The following MDGA1 variants were observed in gnomAD, a reference collection of about 807,000 sequenced individuals.
MDGA1 encodes the protein MAM domain containing glycosylphosphatidylinositol anchor 1.
In MDGA1, 54 loss-of-function variants were observed where a neutral mutation model predicts 101.5. The ratio of observed to expected loss-of-function variants is 0.53; its 90% CI spans 0.43 to 0.67. MDGA1 has a LOEUF of 0.67. Ranked by LOEUF, MDGA1 falls within the 30% of genes least tolerant of loss-of-function variation. MDGA1 has a pLI of 0.00. For synonymous variants in MDGA1, 533 were observed against 558.3 expected, an observed-to-expected ratio of 0.95 and a Z score of 0.64; for missense variants, 1,083 against 1,323.8, an observed-to-expected ratio of 0.82 and a Z score of 2.82.
intron 1 of MDGA1, among the ~76,000 whole-genome samples, chr6:37,695,580 A>C (rs1762399624): frequency 6.6e-6 from 1 of 152,216 alleles, no homozygotes; most frequent in Non-Finnish European, 1.5e-5. Flanking sequence ...CTTGCCAGGC[A>C]CAGGCAGATG....
intron 16 of MDGA1, 44 bp from the exon 17 acceptor site, chr6:37,637,503 G>T: frequency 6.4e-7 from 1 of 1,555,996 alleles, no homozygotes. Context: ...GCTCTGGTCA[G>T]CTCTGGCAGG....
chr6:37,659,415 A>T (rs1761571747), intron 2 of MDGA1, among the ~76,000 whole-genome samples: 1 of 152,248 alleles, frequency 6.6e-6, no homozygotes, highest in Admixed American at 6.5e-5. Context: ...GTCACTCAAC[A>T]AATTTCTATT....
intron 1 of MDGA1, among the ~76,000 whole-genome samples, chr6:37,666,582 G>A (rs910962904): frequency 6.6e-6 from 1 of 152,124 alleles, no homozygotes; most frequent in African/African-American, 2.4e-5. Context: ...AAAGCAGCAG[G>A]CCTGTGTTTC....
At chr6:37,672,418 G>A (rs969988560) in intron 1 of MDGA1, among the ~76,000 whole-genome samples, 2 of 152,132 alleles carry the variant, frequency 1.3e-5, no homozygotes, top group Non-Finnish European at 2.9e-5. Flanking sequence ...CAGCCTGGGC[G>A]ACAGAGCAAG....
Position 37,634,286 on chromosome 6 carries a change from C to T in MDGA1, c.*3082G>A, listed in dbSNP as rs1458760896. 6.5e-6 allele frequency: 1 copy of T among 152,808 alleles called. No individual in the cohort carries two copies. The highest frequency in any genetic ancestry group is 1.5e-5 in the Non-Finnish European group (1 of 68,144). The allele number at this position is 152,808 out of a possible 1,614,324, so 9.5% of individuals were successfully genotyped here. The stretch of plus-strand genomic sequence containing the variant: ...TTTTAAGGCCACAAAATGCCTCAGT[C>T]ACCCTGACCCAGAGGGCGAGGCTGC... On this transcript the variant is annotated 3_prime_UTR_variant, in exon 17 of 17. Transcript: ENST00000434837. This position sits in a 1 kb window ranked among gnomAD's most constrained non-coding sequence, Gnocchi z 4.7.
intron 2 of MDGA1, among the ~76,000 whole-genome samples, chr6:37,662,444 G>A (rs187205102): frequency 1.0e-3 from 152 of 152,122 alleles, no homozygotes; most frequent in African/African-American, 3.5e-3. Context: ...AGACCAGCCT[G>A]GGTAACATAG....
At chr6:37,646,522 A>G (rs972511449) in intron 10 of MDGA1, 147 bp from the exon 11 acceptor site, 2 of 592,488 alleles carry the variant, frequency 3.4e-6, no homozygotes, top group African/African-American at 1.8e-5. Flanking sequence ...TGAAACATTA[A>G]TAAGTGTGGG....
Position 37,697,801 on chromosome 6 carries a change from C to A in MDGA1, c.-990G>T, listed in dbSNP as rs905003492. 2.7e-5 allele frequency: 4 copies of A among 148,956 alleles called. No individual in the cohort carries two copies. The highest frequency in any genetic ancestry group is 6.0e-5 in the Non-Finnish European group (4 of 66,866). The allele number at this position is 148,956 out of a possible 1,614,324, so 9.2% of individuals were successfully genotyped here. On this transcript the variant is annotated 5_prime_UTR_variant, in exon 1 of 17. Coordinates refer to ENST00000434837, the MANE Select transcript of MDGA1 (RefSeq NM_153487.4). The stretch of plus-strand genomic sequence containing the variant: ...TGCGGGGGCCCAGAGCGGGCGGGGC[C>A]GGGCCGGGCTCCGGGGCGCGGCGGC...
chr6:37,662,802 A>G (rs1281580008), intron 2 of MDGA1, among the ~76,000 whole-genome samples: 1 of 152,044 alleles, frequency 6.6e-6, no homozygotes, highest in Non-Finnish European at 1.5e-5. Context: ...ATCACACATG[A>G]CCCATACAGG....
At position 37,697,449 on chromosome 6, in the gene MDGA1, C is replaced by G. The variant is rs1407638387; in HGVS notation, c.-638G>C. 1 of 152,036 alleles carries G rather than the reference C, an allele frequency of 6.6e-6. No individual in the cohort carries two copies. Among genetic ancestry groups the G allele is most frequent in the Non-Finnish European group, 1.5e-5 (1 of 67,974 alleles). 9.4% of individuals were successfully genotyped at this position (152,036 alleles called of 1,614,324 possible). The stretch of plus-strand genomic sequence containing the variant: ...GGCCGAGGGACGAGCGCCGCGGGTC[C>G]CCGGGTCCGTGAAGTTAGCCGAGCC... On this transcript the variant is annotated 5_prime_UTR_variant, in exon 1 of 17. Transcript: ENST00000434837.
chr6:37,642,150 T>TAC (rs1161123400), intron 14 of MDGA1, among the ~76,000 whole-genome samples: 2 of 141,480 alleles, frequency 1.4e-5, no homozygotes, highest in Non-Finnish European at 3.0e-5. Context: ...TATATATGTA[T>TAC]ATATATATAT....
At chr6:37,661,814 T>A (rs1427793042) in intron 2 of MDGA1, among the ~76,000 whole-genome samples, 1 of 151,936 alleles carries the variant, frequency 6.6e-6, no homozygotes, top group Non-Finnish European at 1.5e-5. Context: ...GGGAGTGATA[T>A]GATGTAGCAC....
chr6:37,641,643 A>G (rs1764084525), intron 14 of MDGA1: 1 of 152,216 alleles, frequency 6.6e-6, no homozygotes, highest in Admixed American at 6.5e-5. Flanking sequence ...AGAAATACTG[A>G]GTTTTAAGGG....
intron 1 of MDGA1, among the ~76,000 whole-genome samples, chr6:37,685,463 G>T (rs1762178421): frequency 6.6e-6 from 1 of 152,204 alleles, no homozygotes; most frequent in African/African-American, 2.4e-5. Context: ...GAGGCACTGA[G>T]CAAACAGCAG....
At chr6:37,644,172 C>T (rs890008381) in intron 13 of MDGA1, among the ~76,000 whole-genome samples, 2 of 151,196 alleles carry the variant, frequency 1.3e-5, no homozygotes, top group Admixed American at 1.3e-4. Context: ...CCTCACCCCA[C>T]GCATCCTGCC....
chr6:37,682,236 G>A (rs879598310), intron 1 of MDGA1, among the ~76,000 whole-genome samples: 9 of 152,196 alleles, frequency 5.9e-5, no homozygotes, highest in Admixed American at 4.6e-4. Flanking sequence ...TGTAATCCCA[G>A]CACTTTGGGA....
intron 1 of MDGA1, among the ~76,000 whole-genome samples, chr6:37,665,872 C>G (rs1214971183): frequency 6.6e-6 from 1 of 152,162 alleles, no homozygotes; most frequent in Non-Finnish European, 1.5e-5. Context: ...GTGCATTCCC[C>G]CTTTGTGAAT....
chr6:37,639,857 G>C (rs1764022120), intron 14 of MDGA1: 1 of 152,182 alleles, frequency 6.6e-6, no homozygotes, highest in Non-Finnish European at 1.5e-5. Context: ...ATGAATAAAT[G>C]AATGATAGGA....
rs982283920 is a variant in MDGA1 at position 37,687,533 on chromosome 6, T to C, written c.67+9212A>G. Among the ~76,000 whole-genome samples, 11 of 152,146 alleles carry C rather than the reference T, an allele frequency of 7.2e-5. No individual in the cohort carries two copies. In the East Asian group the frequency reaches 2.1e-3, roughly 29 times the overall value. On this transcript the variant is annotated intron_variant, in intron 1 of 16. Coordinates refer to ENST00000434837, the MANE Select transcript of MDGA1 (RefSeq NM_153487.4). ...GCAGTGAGCTATGATCACACCACTG[T>C]TCTCCAGCCTGCAAGACAGTGAGAC...
Sources: gnomAD v4.1 joint callset for allele counts (sites outside exome capture counted in the v4.1 genomes callset) on GRCh38, gnomAD v4.1.1 for gene constraint, Gnocchi (gnomAD v3.1) non-coding constraint, MANE v1.5 for transcripts, NCBI Gene and HGNC (gene_info 2026-07-23, HGNC 2026-07-21) for gene names.